Variants in C16orf96 observed in about 807,000 individuals in gnomAD.
C16orf96 encodes the protein chromosome 16 open reading frame 96.
Under a neutral mutation model 103.6 loss-of-function variants are expected in C16orf96, and 108 were observed. The ratio of observed to expected loss-of-function variants is 1.04; its 90% CI spans 0.89 to 1.22. The LOEUF is 1.22. C16orf96 is among the 50% of genes most tolerant of loss of function. C16orf96 has a pLI of 0.00. For missense variants in C16orf96, 1,586 were observed against 1,464.2 expected (o/e 1.08, Z -1.36); for synonymous variants, 566 against 593.5 (o/e 0.95, Z 0.67).
the C16orf96 span, among the ~76,000 whole-genome samples, chr16:4,540,376 C>T: frequency 2.0e-5 from 3 of 152,064 alleles, no homozygotes; most frequent in Non-Finnish European, 4.4e-5. Context: ...GTGAGAGAGT[C>T]AGAAAGGTGA....
Position 4,600,112 on chromosome 16 carries a change from G to C in C16orf96, c.3221G>C (p.Arg1074Pro), listed in dbSNP as rs1280527626. Residue 1074 changes from arginine (R) to proline (P), a missense_variant, in exon 16 of 16, where the codon CGC (arginine) becomes CCC (proline). Transcript: ENST00000444310. The stretch of plus-strand genomic sequence containing the variant: ...TGCCCCTCCCCAGCCCTGTGCCCCC[G>C]CTCCAGTGCCTGCTCAGCTGCCTCG... ...FGAICPPLCPRSSACSAASGP... is the reference protein window; with the variant it reads ...FGAICPPLCPPSSACSAASGP... 1 of 1,551,116 alleles carries C rather than the reference G, an allele frequency of 6.4e-7. No individual in the cohort carries two copies. Among genetic ancestry groups the C allele is most frequent in the African/African-American group, 1.4e-5 (1 of 72,942 alleles).
chr16:4,579,005 C>A lies in C16orf96; in HGVS notation c.2221C>A (p.Leu741Ile), dbSNP rs866895758. 2.9e-5 allele frequency: 45 copies of A among 1,551,356 alleles called. 2 individuals carry two copies. The African/African-American group carries it at 3.3e-4, about 11-fold the overall frequency. The part of the protein sequence containing the change: ...VDILQKKIGS[L>I]QKSRLKEEEL... ...CATATTGCAGAAAAAGATTGGCAGC[C>A]TCCAGAAATCTAGGCTCAAGGTTAG... The change falls in exon 6 of 16, where the codon CTC becomes ATC. Residue 741 changes from leucine to isoleucine, a missense_variant. Coordinates refer to ENST00000444310, the MANE Select transcript of C16orf96 (RefSeq NM_001145011.2).
At chr16:4,590,761 G>A (rs1486828479) in intron 9 of C16orf96, among the ~76,000 whole-genome samples, 1 of 150,730 alleles carries the variant, frequency 6.6e-6, no homozygotes, top group Non-Finnish European at 1.5e-5. Flanking sequence ...GCTCACGTCT[G>A]TAATCCCAGC....
chr16:4,581,141 C>CAT (rs58065868), intron 7 of C16orf96, among the ~76,000 whole-genome samples: 5,972 of 46,158 alleles, frequency 0.13, 525 homozygotes, highest in East Asian at 0.21. Flanking sequence ...TATATGTATA[C>CAT]ATATATATAT....
chr16:4,555,329 T>G (rs1399568258), upstream of C16orf96, among the ~76,000 whole-genome samples: 16 of 150,666 alleles, frequency 1.1e-4, no homozygotes, highest in African/African-American at 2.2e-4. Flanking sequence ...TGGAACACTG[T>G]GGGGGGCCTT....
chr16:4,553,683 C>T (rs985848936), upstream of C16orf96, among the ~76,000 whole-genome samples: 1 of 152,074 alleles, frequency 6.6e-6, no homozygotes, highest in Admixed American at 6.6e-5. Flanking sequence ...CTATGTTGCT[C>T]AGGCTGCTCT....
chr16:4,572,803 G>A (rs1259463109), intron 2 of C16orf96, among the ~76,000 whole-genome samples: 1 of 152,108 alleles, frequency 6.6e-6, no homozygotes, highest in Non-Finnish European at 1.5e-5. Flanking sequence ...CTGTACTTCT[G>A]TAGCCAAAAA....
intron 8 of C16orf96, 58 bp from the exon 9 acceptor site, chr16:4,588,109 C>T: frequency 6.6e-7 from 1 of 1,514,744 alleles, no homozygotes; most frequent in Non-Finnish European, 8.9e-7. Flanking sequence ...TGATGTCTCC[C>T]AGCTTTGCCT....
chr16:4,578,980 C>G lies in C16orf96; in HGVS notation c.2196C>G (p.Asp732Glu). Reference protein sequence around the residue: ...GGPSSLGTTVDILQKKIGSLQ... With the variant: ...GGPSSLGTTVEILQKKIGSLQ... ...CTTCCAGCCTCGGGACAACAGTGGA[C>G]ATATTGCAGAAAAAGATTGGCAGCC... The change falls in exon 6 of 16, where the codon GAC becomes GAG. Residue 732 changes from aspartate (D) to glutamate (E), a missense_variant. Transcript: ENST00000444310. The G allele has an allele frequency of 6.4e-7, 1 of 1,551,430 alleles. No individual in the cohort carries two copies. The highest frequency in any genetic ancestry group is 8.7e-7 in the Non-Finnish European group (1 of 1,146,916).
rs1266215578 is a variant in C16orf96 at position 4,600,490 on chromosome 16, C to CCG, written c.*174_*175insGC. ...CATGTCCGAGGCTGAGGCTCATGCG[C>CCG]CCCCCCCCATCCCTACCAAGTCCCC... is the stretch of plus-strand genomic sequence containing the variant. On this transcript the variant is annotated 3_prime_UTR_variant, in exon 16 of 16. Coordinates refer to ENST00000444310, the MANE Select transcript of C16orf96 (RefSeq NM_001145011.2). 1,392 of 369,674 alleles carry CCG rather than the reference C, an allele frequency of 3.8e-3. 33 individuals are homozygous for CCG. Among genetic ancestry groups the CCG allele is most frequent in the Non-Finnish European group, 6.0e-3 (1,254 of 209,526 alleles). 22.9% of individuals were successfully genotyped at this position (369,674 alleles called of 1,614,324 possible). A position where few individuals can be genotyped will look rare whatever the true frequency, so the allele number is the denominator to read the frequency against.
the C16orf96 span, among the ~76,000 whole-genome samples, chr16:4,545,696 C>T: frequency 1.3e-5 from 2 of 152,210 alleles, no homozygotes; most frequent in African/African-American, 4.8e-5. Flanking sequence ...GCACCCACCT[C>T]CCACTCCTTG....
rs2450386 is a variant in C16orf96, at chr16:4,575,937, A to C, written c.1457A>C (p.Asp486Ala). 8.7e-6 allele frequency: 11 copies of C among 1,265,798 alleles called. No individual in the cohort carries two copies. The highest frequency in any genetic ancestry group is 1.2e-5 in the Non-Finnish European group (11 of 898,042). The allele number at this position is 1,265,798 out of a possible 1,614,324, so 78.4% of individuals were successfully genotyped here. A position where few individuals can be genotyped will look rare whatever the true frequency, so the allele number is the denominator to read the frequency against. The change falls in exon 5 of 16, where the codon GAT (aspartate) becomes GCT (alanine). Residue 486 changes from aspartate to alanine, a missense_variant. By Grantham distance (126) the Asp-to-Ala change is moderately radical. Transcript: ENST00000444310. ...GCCCCCAAGGATAGAACTCGCAAGG[A>C]TGGGGTCCCCAAAGATAGAGGTGGC... ...DGAPKDRTRKDGVPKDRGGKD... is the reference protein window; with the variant it reads ...DGAPKDRTRKAGVPKDRGGKD...
intron 6 of C16orf96, 131 bp downstream of exon 6, chr16:4,579,156 T>C (rs1396628113): frequency 1.2e-6 from 1 of 818,862 alleles, no homozygotes; most frequent in African/African-American, 1.7e-5. Flanking sequence ...GAAAGCGAGC[T>C]GGCTGCGAAG....
chr16:4,584,528 T>C (rs1485610848), intron 7 of C16orf96, among the ~76,000 whole-genome samples: 1 of 150,738 alleles, frequency 6.6e-6, no homozygotes, highest in Non-Finnish European at 1.5e-5. Context: ...TTGTGGTTTT[T>C]TTGGTTTGTT....
upstream of C16orf96, among the ~76,000 whole-genome samples, chr16:4,555,618 G>A (rs886280208): frequency 3.1e-4 from 47 of 151,828 alleles, no homozygotes; most frequent in African/African-American, 1.1e-3. Context: ...TGGTCCACCC[G>A]CCTTGGCCTC....
intron 11 of C16orf96, 27 bp downstream of exon 11, chr16:4,592,394 G>A (rs1490022049): frequency 3.9e-6 from 6 of 1,551,040 alleles, no homozygotes; most frequent in African/African-American, 1.4e-5. Flanking sequence ...AGGGTGCCCC[G>A]GCCCTAAGGG....
Position 4,576,217 on chromosome 16 carries a change from C to CGCTGCCACATCCTCCGCT in C16orf96, c.1740_1757dup (p.Ala581_Ala586dup). 2 of 1,550,754 alleles carry CGCTGCCACATCCTCCGCT rather than the reference C, an allele frequency of 1.3e-6. No homozygotes were observed. Among genetic ancestry groups the CGCTGCCACATCCTCCGCT allele is most frequent in the South Asian group, 1.2e-5 (1 of 84,052 alleles). On this transcript the variant is annotated inframe_insertion, in exon 5 of 16. Coordinates refer to ENST00000444310, the MANE Select transcript of C16orf96 (RefSeq NM_001145011.2). ...CCGCCGCTGCCGCCGCAGCCTACGC[C>CGCTGCCACATCCTCCGCT]GCTGCCACATCCTCCGCTGCCCAGG...
chr16:4,591,673 A>G lies in C16orf96; in HGVS notation c.2600A>G (p.His867Arg). 1 of 1,551,294 alleles carries G rather than the reference A, an allele frequency of 6.4e-7. No homozygotes were observed. The highest frequency in any genetic ancestry group is 8.7e-7 in the Non-Finnish European group (1 of 1,146,594). ...CCCCTTGGCTGTTGGCAGTTAGTCC[A>G]CAGTGATCTGGATCCCTTGAAGAAA... Reference protein sequence around the residue: ...LSKDVNTKLVHSDLDPLKKEM... With the variant: ...LSKDVNTKLVRSDLDPLKKEM... The change falls in exon 10 of 16, where the codon CAC becomes CGC. Residue 867 changes from histidine to arginine, a missense_variant. Transcript: ENST00000444310.
At chr16:4,545,909 G>A in the C16orf96 span, among the ~76,000 whole-genome samples, 4 of 151,960 alleles carry the variant, frequency 2.6e-5, no homozygotes, top group Admixed American at 6.6e-5. Flanking sequence ...GAGTGCAATG[G>A]CGCGATCTCA....
Sources: gnomAD v4.1 joint callset for allele counts (sites outside exome capture counted in the v4.1 genomes callset) on GRCh38, gnomAD v4.1.1 for gene constraint, MANE v1.5 for transcripts, NCBI Gene and HGNC (gene_info 2026-07-23, HGNC 2026-07-21) for gene names.